The following SLBP variants were observed in gnomAD, a reference collection of about 807,000 sequenced individuals.
The protein encoded by SLBP is histone RNA hairpin-binding protein.
In SLBP, 29 loss-of-function variants were observed where a neutral mutation model predicts 39.2. The ratio of observed to expected loss-of-function variants is 0.74; its 90% CI spans 0.55 to 1.01. The LOEUF is 1.01. Ranked by LOEUF, SLBP falls within the 50% of genes least tolerant of loss-of-function variation. The pLI is 0.00. For missense variants in SLBP, 390 were observed against 350.2 expected, an observed-to-expected ratio of 1.11 and a Z score of -0.91; for synonymous variants, 129 against 118.7, an observed-to-expected ratio of 1.09 and a Z score of -0.57.
At chr4:1,710,661 G>C (rs1254084934) in intron 2 of SLBP, among the ~76,000 whole-genome samples, 2 of 152,136 alleles carry the variant, frequency 1.3e-5, no homozygotes, top group African/African-American at 2.4e-5. Context: ...TGTATTCCTA[G>C]TGTGCTCAGT....
intron 4 of SLBP, 114 bp from the exon 5 acceptor site, chr4:1,699,815 A>C: frequency 9.5e-7 from 1 of 1,054,410 alleles, no homozygotes; most frequent in Non-Finnish European, 1.4e-6. Context: ...CAGATTCCCA[A>C]CCATATGAAT....
Position 1,694,798 on chromosome 4 carries a change from G to A in SLBP, c.672C>T (p.Pro224=). The change falls in exon 7 of 8, where the codon CCC becomes CCT. Residue 224 remains proline, a synonymous_variant. Transcript: ENST00000489418. ...CAAAGTCATCCTGAGAGCTGGTCTG[G>A]GGCTCGGAGCTGCTTTCTGCAGATT... ...DLESAESSSE[P]QTSSQDDFDV... is the part of the protein sequence containing the mutation. 1 of 1,613,700 alleles carries A rather than the reference G, an allele frequency of 6.2e-7. No individual in the cohort carries two copies. The highest frequency in any genetic ancestry group is 1.3e-5 in the African/African-American group (1 of 75,014).
chr4:1,699,593 G>C lies in SLBP; in HGVS notation c.450C>G (p.Ala150=). The C allele has an allele frequency of 6.2e-7, 1 of 1,613,856 alleles. No individual in the cohort carries two copies. Among genetic ancestry groups the C allele is most frequent in the Non-Finnish European group, 8.5e-7 (1 of 1,179,782 alleles). Residue 150 remains alanine (A), a synonymous_variant, in exon 5 of 8, where the codon GCC becomes GCG. Transcript: ENST00000489418. The stretch of plus-strand genomic sequence containing the variant: ...GGACTTCTTTAATATAACGATCGTA[G>C]GCAATTGTGTTCTTCCCATAGTTGA... ...KQINYGKNTI[A]YDRYIKEVPR... is the part of the protein sequence containing the mutation.
Position 1,712,314 on chromosome 4 carries a change from A to C in SLBP, c.-126T>G. The C allele has an allele frequency of 1.9e-6, 1 of 525,518 alleles. No homozygotes were observed. Among genetic ancestry groups the C allele is most frequent in the Non-Finnish European group, 3.0e-6 (1 of 335,050 alleles). The allele number at this position is 525,518 out of a possible 1,614,324, so 32.6% of individuals were successfully genotyped here. On this transcript the variant is annotated 5_prime_UTR_variant, in exon 1 of 8. Coordinates refer to ENST00000489418, the MANE Select transcript of SLBP (RefSeq NM_006527.4). ...CCGCGTCCCCGCGCCGGCGCTCACG[A>C]GCTCTGCGCGCCCCGCCCCCAACCG...
chr4:1,698,794 T>A (rs965844807), intron 5 of SLBP, among the ~76,000 whole-genome samples: 17 of 130,678 alleles, frequency 1.3e-4, no homozygotes, highest in South Asian at 2.4e-4. Context: ...AAAAGTAAAA[T>A]TTTTTTTTTT....
Position 1,697,158 on chromosome 4 carries a change from T to TAA in SLBP, c.480-809_480-808dup, listed in dbSNP as rs59715153. Among the ~76,000 whole-genome samples the TAA allele has an allele frequency of 4.8e-3, 156 of 32,782 alleles. 22 individuals are homozygous for TAA. Among genetic ancestry groups the TAA allele is most frequent in the South Asian group, 0.016 (12 of 748 alleles). The allele number at this position is 32,782 out of a possible 152,430, so 21.5% of individuals were successfully genotyped here. ...TGGTCAACAGAGCAAGACTCCACCT[T>TAA]AAAAAAAAAAAAAAAAAAAAAAAAA... On this transcript the variant is annotated intron_variant, in intron 5 of 7. Coordinates refer to ENST00000489418, the MANE Select transcript of SLBP (RefSeq NM_006527.4).
intron 2 of SLBP, among the ~76,000 whole-genome samples, chr4:1,710,523 G>C (rs1260004391): frequency 6.6e-6 from 1 of 152,232 alleles, no homozygotes; most frequent in Admixed American, 6.5e-5. Flanking sequence ...TACAGAAAGA[G>C]TCTGTGGTCT....
chr4:1,712,025 G>C, intron 1 of SLBP, 35 bp from the exon 2 acceptor site: 1 of 1,260,376 alleles, frequency 7.9e-7, no homozygotes, highest in Non-Finnish European at 1.0e-6. Context: ...GGGCACGGGA[G>C]GTTCGGGACC....
Position 1,694,833 on chromosome 4 carries a change from C to A in SLBP, c.637G>T (p.Val213Leu). 1.9e-6 allele frequency: 3 copies of A among 1,612,852 alleles called. No homozygotes were observed. Among genetic ancestry groups the A allele is most frequent in the Non-Finnish European group, 2.5e-6 (3 of 1,178,826 alleles). ...EGCDLQEIHPVDLESAESSSE... is the reference protein window; with the variant it reads ...EGCDLQEIHPLDLESAESSSE... ...CTGCTTTCTGCAGATTCAAGGTCTA[C>A]AGGGTGTCTGTTAAACAAGATCCAA... is the stretch of plus-strand genomic sequence containing the variant. The change falls in exon 7 of 8, where the codon GTA (valine) becomes TTA (leucine). Residue 213 changes from valine (V) to leucine (L), a missense_variant. Physicochemically the swap from Val to Leu is conservative, Grantham distance 32. Coordinates refer to ENST00000489418, the MANE Select transcript of SLBP (RefSeq NM_006527.4).
chr4:1,699,119 A>G (rs798723), intron 5 of SLBP, among the ~76,000 whole-genome samples: 2,730 of 152,328 alleles, frequency 0.018, 42 homozygotes, highest in South Asian at 0.064. Context: ...CAAAAAGTTC[A>G]GGAAAACACT....
rs189575168 is a variant in SLBP, at chr4:1,702,459, G to A, written c.281+1137C>T. ...CTGGCTGCCAAAATGAAAACAGGTA[G>A]TCTAGGTATCGTTCCGCGGCTGACA... On this transcript the variant is annotated intron_variant, in intron 3 of 7. Coordinates refer to ENST00000489418, the MANE Select transcript of SLBP (RefSeq NM_006527.4). 1.4e-4 allele frequency among the ~76,000 whole-genome samples: 21 copies of A among 152,354 alleles called. 1 individual carries two copies. The East Asian group carries it at 3.1e-3, about 22-fold the overall frequency.
Position 1,693,474 on chromosome 4 carries a change from A to G in SLBP, c.*123T>C. On this transcript the variant is annotated 3_prime_UTR_variant, in exon 8 of 8. Transcript: ENST00000489418. ...GAAAGTAAGGCAAAAATAATTCAGC[A>G]TGAGCTAATGGACTGCTAACAGAGA... 1.5e-6 allele frequency: 1 copy of G among 669,642 alleles called. No homozygotes were observed. Among genetic ancestry groups the G allele is most frequent in the South Asian group, 1.8e-5 (1 of 55,084 alleles). The allele number at this position is 669,642 out of a possible 1,614,324, so 41.5% of individuals were successfully genotyped here.
intron 6 of SLBP, among the ~76,000 whole-genome samples, chr4:1,695,887 A>C (rs1221880494): frequency 6.6e-6 from 1 of 152,242 alleles, no homozygotes; most frequent in East Asian, 1.9e-4. Context: ...ATATTTAAAA[A>C]ACAAATTCCA....
At position 1,711,946 on chromosome 4, in the gene SLBP, G is replaced by C. The variant is rs996803407; in HGVS notation, c.104C>G (p.Ala35Gly). 3.7e-6 allele frequency: 5 copies of C among 1,338,956 alleles called. No homozygotes were observed. The highest frequency in any genetic ancestry group is 4.8e-6 in the Non-Finnish European group (5 of 1,046,930). The allele number at this position is 1,338,956 out of a possible 1,614,324, so 82.9% of individuals were successfully genotyped here. ...TTCGGGCCTCCAGCGCCTGCCGTCG[G>C]CTCTGCGCTTCCGTCCCAGGCTCCA... The part of the protein sequence containing the change: ...ARWSLGRKRR[A>G]DGRRWRPEDA... The change falls in exon 2 of 8, where the codon GCC becomes GGC. Residue 35 changes from alanine to glycine, a missense_variant. Physicochemically the swap from Ala to Gly is moderately conservative, Grantham distance 60 (BLOSUM62 0). Coordinates refer to ENST00000489418, the MANE Select transcript of SLBP (RefSeq NM_006527.4).
intron 5 of SLBP, among the ~76,000 whole-genome samples, chr4:1,696,949 G>A (rs1398856169): frequency 6.7e-6 from 1 of 148,578 alleles, no homozygotes; most frequent in Non-Finnish European, 1.5e-5. Flanking sequence ...TTGAACTCAA[G>A]AGCCTGAGAT....
chr4:1,710,669 A>C (rs1354034418), intron 2 of SLBP, among the ~76,000 whole-genome samples: 1 of 152,220 alleles, frequency 6.6e-6, no homozygotes, highest in Admixed American at 6.5e-5. Flanking sequence ...TAGTGTGCTC[A>C]GTAAGTCGCC....
intron 5 of SLBP, among the ~76,000 whole-genome samples, chr4:1,698,507 T>C (rs1040412467): frequency 1.3e-5 from 2 of 151,074 alleles, no homozygotes; most frequent in Non-Finnish European, 2.9e-5. Flanking sequence ...TTTTTTGAGA[T>C]GGAGTCTTGC....
At chr4:1,709,190 A>C (rs1331875035) in intron 2 of SLBP, among the ~76,000 whole-genome samples, 4 of 151,848 alleles carry the variant, frequency 2.6e-5, no homozygotes, top group Non-Finnish European at 5.9e-5. Flanking sequence ...CAACCTCCCG[A>C]GTAGCTGGGA....
At chr4:1,696,503 G>A in intron 5 of SLBP, 152 bp from the exon 6 acceptor site, 1 of 612,314 alleles carries the variant, frequency 1.6e-6, no homozygotes, top group South Asian at 3.8e-5. Flanking sequence ...AGCATTTTGG[G>A]AGGTCATGCC....
Sources: allele counts gnomAD v4.1 joint callset (sites outside exome capture counted in the v4.1 genomes callset), GRCh38; gene constraint gnomAD v4.1.1; transcripts MANE v1.5; gene names NCBI Gene and HGNC (gene_info 2026-07-23, HGNC 2026-07-21).